FIG4: variants seen among roughly 807,000 people sequenced by gnomAD.
FIG4 encodes FIG4 phosphoinositide 5-phosphatase.
A neutral mutation model predicts 118.6 loss-of-function variants in FIG4; 112 were observed. That is an observed-to-expected ratio of 0.94 (90% CI 0.81 to 1.11). The LOEUF (loss-of-function observed/expected upper bound fraction) is 1.11. Among genes scored for constraint, FIG4 ranks in the 50% least tolerant of loss-of-function variants. FIG4 has a pLI of 0.00. For synonymous variants in FIG4, 369 were observed against 381.2 expected, an observed-to-expected ratio of 0.97 and a Z score of 0.37; for missense variants, 969 against 1,111.7, an observed-to-expected ratio of 0.87 and a Z score of 1.83.
intron 10 of FIG4, among the ~76,000 whole-genome samples, chr6:109,755,846 G>A (rs1776876036): frequency 6.6e-6 from 1 of 152,034 alleles, no homozygotes; most frequent in Admixed American, 6.6e-5. Flanking sequence ...ACATGAGATG[G>A]GTCTCCTGAA....
intron 15 of FIG4, among the ~76,000 whole-genome samples, chr6:109,768,181 G>T (rs900898523): frequency 6.6e-6 from 1 of 152,144 alleles, no homozygotes; most frequent in South Asian, 2.1e-4. Context: ...GGGTTGGCCT[G>T]GGTCCTGGCC....
At position 109,765,121 on chromosome 6, in the gene FIG4, A is replaced by G. The variant is rs548365048; in HGVS notation, c.1543A>G (p.Ile515Val). Reference protein sequence around the residue: ...LAYQLYSLGLIDKPNLQFDTD... With the variant: ...LAYQLYSLGLVDKPNLQFDTD... Reference sequence around the variant, plus strand: ...CTATCAGCTGTATTCACTGGGACTGATTGACAAACCTAATCTACAGTTTGA... The same window carrying G: ...CTATCAGCTGTATTCACTGGGACTGGTTGACAAACCTAATCTACAGTTTGA... Residue 515 changes from isoleucine to valine, a missense_variant, in exon 14 of 23, where the codon ATT becomes GTT. Physicochemically the swap from Ile to Val is conservative, Grantham distance 29. Transcript: ENST00000230124. 9 of 1,614,052 alleles carry G rather than the reference A, an allele frequency of 5.6e-6. No individual in the cohort carries two copies. Among genetic ancestry groups the G allele is most frequent in the East Asian group, 4.5e-5 (2 of 44,860 alleles).
chr6:109,699,729 C>G, intron 1 of FIG4, among the ~76,000 whole-genome samples: 1 of 152,102 alleles, frequency 6.6e-6, no homozygotes, highest in East Asian at 1.9e-4. Context: ...GTCTCGAACT[C>G]CTGACTTCAA....
Position 109,809,741 on chromosome 6 carries a change from G to A in FIG4, c.2546+12890G>A, listed in dbSNP as rs189267862. ...GAAGCAAATGTTCTCTTTTTAAAGG[G>A]TTCTATCAAAAACTGTCTGAACTTC... On this transcript the variant is annotated intron_variant, in intron 22 of 22. Transcript: ENST00000230124. Among the ~76,000 whole-genome samples the A allele has an allele frequency of 2.4e-4, 37 of 152,208 alleles. No homozygotes were observed. In the East Asian group the frequency reaches 6.8e-3, roughly 28 times the overall value.
intron 10 of FIG4, among the ~76,000 whole-genome samples, chr6:109,756,414 C>T (rs1776903622): frequency 1.3e-5 from 2 of 151,794 alleles, no homozygotes; most frequent in Admixed American, 1.3e-4. Context: ...AATTATGTGT[C>T]TTGGAGTTGC....
rs764958115 is a variant in FIG4, at chr6:109,825,231, T to C, written c.2690T>C (p.Met897Thr). 1.4e-5 allele frequency: 23 copies of C among 1,614,002 alleles called. No homozygotes were observed. The highest frequency in any genetic ancestry group is 1.7e-5 in the Admixed American group (1 of 59,994). Residue 897 changes from methionine to threonine, a missense_variant, in exon 23 of 23, where the codon ATG becomes ACG. Met to Thr is a moderately conservative substitution (Grantham distance 81). Around this residue, in one of 3 missense-constraint regions of FIG4, gnomAD observed 330 missense variants for 348.1 expected, o/e 0.95. Transcript: ENST00000230124. The part of the protein sequence containing the change: ...MQPLGKEDSS[M>T]YREYIRNRYL ...CCCCTAGGAAAAGAGGACTCCTCCA[T>C]GTACCGAGAGTACATCAGGAACCGC...
chr6:109,698,663 A>G (rs1168164716), intron 1 of FIG4, among the ~76,000 whole-genome samples: 2 of 152,190 alleles, frequency 1.3e-5, no homozygotes, highest in African/African-American at 4.8e-5. Flanking sequence ...AGATTGAGGA[A>G]TATTTCTTGC....
intron 22 of FIG4, among the ~76,000 whole-genome samples, chr6:109,800,327 C>T (rs1463239849): frequency 6.6e-6 from 1 of 152,164 alleles, no homozygotes; most frequent in Non-Finnish European, 1.5e-5. Context: ...CAGAAATATT[C>T]AGAAATTCTA....
chr6:109,814,313 A>ATT lies in FIG4; in HGVS notation c.2547-10768_2547-10767dup, dbSNP rs72561601. Among the ~76,000 whole-genome samples the ATT allele has an allele frequency of 4.4e-3, 673 of 151,470 alleles. 6 individuals are homozygous for ATT. The highest frequency in any genetic ancestry group is 0.013 in the African/African-American group (524 of 41,266). ...GCCACCACACCCAGCTAATTTTTTA[A>ATT]TTTTTTTTGTAGAGATGGGAGTCTC... is the stretch of plus-strand genomic sequence containing the variant. On this transcript the variant is annotated intron_variant, in intron 22 of 22. Coordinates refer to ENST00000230124, the MANE Select transcript of FIG4 (RefSeq NM_014845.6).
intron 1 of FIG4, among the ~76,000 whole-genome samples, chr6:109,705,131 A>G (rs927098539): frequency 1.3e-5 from 2 of 152,200 alleles, no homozygotes; most frequent in Non-Finnish European, 2.9e-5. Context: ...CAGTGGAGAA[A>G]AATTTAGTGG....
intron 3 of FIG4, among the ~76,000 whole-genome samples, chr6:109,722,161 T>C (rs17070874): frequency 0.099 from 15,052 of 151,794 alleles, 1,341 homozygotes; most frequent in African/African-American, 0.23. Flanking sequence ...AAAGTTGTCA[T>C]CAGCTTTTTT....
intron 10 of FIG4, among the ~76,000 whole-genome samples, chr6:109,752,052 T>C (rs953212370): frequency 3.4e-4 from 48 of 140,682 alleles, no homozygotes; most frequent in African/African-American, 1.3e-3. Flanking sequence ...TGTGTTCTCA[T>C]TGTTCAGTTC....
chr6:109,709,856 T>C (rs182940007), intron 1 of FIG4, among the ~76,000 whole-genome samples: 1 of 152,358 alleles, frequency 6.6e-6, no homozygotes, highest in Admixed American at 6.5e-5. Context: ...TAAGAACCTT[T>C]GGGCTGAGAC....
chr6:109,773,444 C>T (rs999162940), intron 15 of FIG4, among the ~76,000 whole-genome samples: 1 of 152,130 alleles, frequency 6.6e-6, no homozygotes, highest in African/African-American at 2.4e-5. Context: ...GTCCGTTTCT[C>T]TACTTGTTTT....
chr6:109,743,209 G>A lies in FIG4; in HGVS notation c.976G>A (p.Gly326Arg), dbSNP rs778157600. 1.9e-6 allele frequency: 3 copies of A among 1,612,970 alleles called. No individual in the cohort carries two copies. The highest frequency in any genetic ancestry group is 2.2e-5 in the East Asian group (1 of 44,794). Residue 326 changes from glycine to arginine, a missense_variant, in exon 9 of 23, where the codon GGA (glycine) becomes AGA (arginine). Gly to Arg is a moderately radical substitution (Grantham distance 125). This residue lies in a region of FIG4 where 393 missense variants were observed against 409.4 expected (regional missense o/e 0.96). Coordinates refer to ENST00000230124, the MANE Select transcript of FIG4 (RefSeq NM_014845.6). ...TTATTCTTCATATGTACAAGTTAGA[G>A]GATCTGTGCCCTTATACTGGTCTCA... ...GSYSSYVQVR[G>R]SVPLYWSQDI... is the part of the protein sequence containing the mutation.
chr6:109,709,401 C>T (rs896143421), intron 1 of FIG4, among the ~76,000 whole-genome samples: 19 of 152,104 alleles, frequency 1.2e-4, no homozygotes, highest in African/African-American at 4.6e-4. Flanking sequence ...AGCATGATGC[C>T]TCCAGCTTTG....
intron 7 of FIG4, among the ~76,000 whole-genome samples, chr6:109,738,837 G>A (rs1191307114): frequency 6.6e-6 from 1 of 152,148 alleles, no homozygotes; most frequent in Non-Finnish European, 1.5e-5. Flanking sequence ...GCCGAGCAGA[G>A]AGAGAGAGAT....
chr6:109,716,325 A>T (rs1006370200), intron 2 of FIG4, 120 bp from the exon 3 acceptor site: 49 of 991,512 alleles, frequency 4.9e-5, no homozygotes, highest in Non-Finnish European at 7.0e-5. Flanking sequence ...GTGTACTATT[A>T]TATACTTCTG....
chr6:109,793,098 A>G (rs1778184042), intron 21 of FIG4, among the ~76,000 whole-genome samples: 2 of 152,240 alleles, frequency 1.3e-5, no homozygotes, highest in Non-Finnish European at 2.9e-5. Context: ...ACATTGATTT[A>G]TATACAGAGT....
Sources: allele counts gnomAD v4.1 joint callset (sites outside exome capture counted in the v4.1 genomes callset), GRCh38; gene constraint gnomAD v4.1.1; regional missense constraint gnomAD v4.1.1; transcripts MANE v1.5; gene names NCBI Gene and HGNC (gene_info 2026-07-23, HGNC 2026-07-21).